PARVB: variants seen among roughly 807,000 people sequenced by gnomAD.
PARVB encodes parvin beta, also known as beta-parvin.
In PARVB, 46 loss-of-function variants were observed where a neutral mutation model predicts 47.0. The ratio of observed to expected loss-of-function variants is 0.98; its 90% CI spans 0.77 to 1.25. PARVB has a LOEUF of 1.25. PARVB is among the 50% of genes most tolerant of loss of function. PARVB has a pLI of 0.00. For missense variants in PARVB, 473 were observed against 471.6 expected (o/e 1.00, Z -0.03); for synonymous variants, 196 against 196.3 (o/e 1.00, Z 0.01).
chr22:44,060,574 G>C (rs2146957728), intron 1 of PARVB, among the ~76,000 whole-genome samples: 1 of 152,084 alleles, frequency 6.6e-6, no homozygotes, highest in South Asian at 2.1e-4. Context: ...GACTTAACTG[G>C]GTAAATGTCA....
intron 1 of PARVB, among the ~76,000 whole-genome samples, chr22:44,051,978 G>A (rs1191946854): frequency 6.6e-6 from 1 of 152,164 alleles, no homozygotes. Context: ...AAACTGGGAA[G>A]AGGCCAGGAC....
chr22:44,027,755 G>A (rs1229337468), intron 1 of PARVB, among the ~76,000 whole-genome samples: 3 of 151,804 alleles, frequency 2.0e-5, no homozygotes, highest in African/African-American at 7.3e-5. Context: ...AAAATTAGCC[G>A]GGCATGGTGG....
intron 7 of PARVB, among the ~76,000 whole-genome samples, chr22:44,138,706 C>T (rs1488762930): frequency 1.3e-5 from 2 of 152,166 alleles, no homozygotes; most frequent in Admixed American, 6.5e-5. Context: ...CCAGGAAGCC[C>T]TCCTGTCTGC....
chr22:44,134,587 ATGAAACGGGAGCAGGGGGTCCTG>A (rs1460784173), intron 6 of PARVB, among the ~76,000 whole-genome samples: 1 of 152,168 alleles, frequency 6.6e-6, no homozygotes, highest in African/African-American at 2.4e-5. Flanking sequence ...CCAAAGCAGA[ATGAAACGGGAGCAGGGGGTCCTG>A]TGAACCGGGC....
intron 1 of PARVB, among the ~76,000 whole-genome samples, chr22:44,076,877 G>A (rs1360296644): frequency 6.6e-6 from 1 of 152,064 alleles, no homozygotes; most frequent in Admixed American, 6.5e-5. Flanking sequence ...CCCAGCCCTC[G>A]GTATGTGGCT....
At chr22:44,136,667 C>G (rs2053449407) in intron 7 of PARVB, 149 bp downstream of exon 7, 1 of 676,622 alleles carries the variant, frequency 1.5e-6, no homozygotes, top group South Asian at 1.6e-5. Context: ...CATGCTGGTT[C>G]CCACCCCAGC....
intron 1 of PARVB, among the ~76,000 whole-genome samples, chr22:44,064,044 A>G (rs2051471472): frequency 6.6e-6 from 1 of 152,036 alleles, no homozygotes; most frequent in Admixed American, 6.5e-5. Flanking sequence ...CACCTGTCTC[A>G]TGCCCTGCCA....
chr22:44,063,189 G>T (rs1721715840), intron 1 of PARVB, among the ~76,000 whole-genome samples: 1 of 152,146 alleles, frequency 6.6e-6, no homozygotes, highest in South Asian at 2.1e-4. Flanking sequence ...CTGTGTGCCA[G>T]GGACTGGTGG....
chr22:44,017,490 C>A (rs1204685231), intron 2 of PARVB, among the ~76,000 whole-genome samples: 2 of 152,178 alleles, frequency 1.3e-5, no homozygotes, highest in African/African-American at 4.8e-5. Context: ...GACAGTTCCT[C>A]TTACAATTAA....
chr22:44,065,220 G>A (rs540026441), intron 1 of PARVB, among the ~76,000 whole-genome samples: 3 of 152,278 alleles, frequency 2.0e-5, no homozygotes, highest in African/African-American at 4.8e-5. Flanking sequence ...ATCAGGGGAC[G>A]TGGTGGTACC....
intron 11 of PARVB, among the ~76,000 whole-genome samples, 161 bp from the exon 12 acceptor site, chr22:44,163,697 G>A (rs995552102): frequency 3.3e-5 from 5 of 152,150 alleles, no homozygotes; most frequent in East Asian, 1.9e-4. Context: ...TTCCTCACCC[G>A]TGTCTGCCCA....
intron 1 of PARVB, among the ~76,000 whole-genome samples, chr22:44,043,530 A>G (rs2051058846): frequency 1.3e-5 from 2 of 152,064 alleles, no homozygotes; most frequent in South Asian, 4.1e-4. Context: ...GGTGCCCGCC[A>G]CCACGCCTGG....
chr22:44,060,627 G>C (rs2051401270), intron 1 of PARVB, among the ~76,000 whole-genome samples: 1 of 151,870 alleles, frequency 6.6e-6, no homozygotes, highest in Non-Finnish European at 1.5e-5. Context: ...CTGGACAAAA[G>C]GTGGAATACA....
At chr22:44,083,234 T>C (rs556726315) in intron 1 of PARVB, among the ~76,000 whole-genome samples, 2 of 152,368 alleles carry the variant, frequency 1.3e-5, no homozygotes, top group East Asian at 3.9e-4. Context: ...TTCAGTTCCC[T>C]GACTTTCTCT....
At chr22:44,037,384 C>T (rs1262230314) in intron 1 of PARVB, among the ~76,000 whole-genome samples, 1 of 152,124 alleles carries the variant, frequency 6.6e-6, no homozygotes, top group African/African-American at 2.4e-5. Context: ...GATCGTGCCA[C>T]TTTGCTCCAG....
intron 1 of PARVB, among the ~76,000 whole-genome samples, chr22:44,075,423 C>T (rs192968091): frequency 7.2e-4 from 110 of 152,344 alleles, no homozygotes; most frequent in Middle Eastern, 3.4e-3. Flanking sequence ...CCTCTAACAA[C>T]GTCCAGACCA....
chr22:44,149,156 A>G (rs2053749375), intron 9 of PARVB: 1 of 152,132 alleles, frequency 6.6e-6, no homozygotes, highest in African/African-American at 2.4e-5. Context: ...CACTGTGAGG[A>G]TAAACTGGGA....
At chr22:44,159,649 C>CT (rs759900958) in intron 11 of PARVB, among the ~76,000 whole-genome samples, 1 of 152,142 alleles carries the variant, frequency 6.6e-6, no homozygotes, top group Non-Finnish European at 1.5e-5. Context: ...CAGCCCCTGC[C>CT]TTTTTTCCCT....
rs1335568865 is a variant in PARVB at position 44,163,796 on chromosome 22, G to T, written c.946-62G>T. On this transcript the variant is annotated intron_variant, in intron 11 of 12. Transcript: ENST00000338758. ...TGTCCATGCCGGCTGTCCTCCAGCAGTGGGCCGTGTGTGGGAACGACTGTT... is the reference window on the plus strand; with the variant it reads ...TGTCCATGCCGGCTGTCCTCCAGCATTGGGCCGTGTGTGGGAACGACTGTT... 3.6e-6 allele frequency: 5 copies of T among 1,373,770 alleles called. No homozygotes were observed. The Admixed American group carries it at 7.3e-5, about 20-fold the overall frequency. 85.1% of individuals were successfully genotyped at this position (1,373,770 alleles called of 1,614,324 possible).
Sources: allele counts gnomAD v4.1 joint callset (sites outside exome capture counted in the v4.1 genomes callset), GRCh38; gene constraint gnomAD v4.1.1; transcripts MANE v1.5; gene names NCBI Gene and HGNC (gene_info 2026-07-23, HGNC 2026-07-21).